KIAA1549L: variants seen among roughly 807,000 people sequenced by gnomAD.
The protein encoded by KIAA1549L is UPF0606 protein KIAA1549L.
In KIAA1549L, 88 loss-of-function variants were observed where a neutral mutation model predicts 160.7. That is an observed-to-expected ratio of 0.55 (90% CI 0.46 to 0.65). The LOEUF (loss-of-function observed/expected upper bound fraction) is 0.65, where lower values mean the gene tolerates loss of function less well. Ranked by LOEUF, KIAA1549L falls within the 30% of genes least tolerant of loss-of-function variation. The probability of loss-of-function intolerance (pLI) is 0.00; values close to 1 mark genes in which losing one functional copy is unlikely to be tolerated. For missense variants in KIAA1549L, 2,258 were observed against 2,437.5 expected, an observed-to-expected ratio of 0.93 and a Z score of 1.55; for synonymous variants, 950 against 976.7, an observed-to-expected ratio of 0.97 and a Z score of 0.51.
chr11:33,407,731 T>G (rs534703064), intron 1 of KIAA1549L, among the ~76,000 whole-genome samples: 2 of 152,234 alleles, frequency 1.3e-5, no homozygotes, highest in African/African-American at 4.8e-5. Flanking sequence ...GGTTGGGGAA[T>G]CCTAAGGGTT....
chr11:33,464,354 T>G (rs1346359272), intron 1 of KIAA1549L, among the ~76,000 whole-genome samples: 2 of 152,192 alleles, frequency 1.3e-5, no homozygotes, highest in Non-Finnish European at 2.9e-5. Context: ...CTACCTACAC[T>G]GAGCCCCTAA....
intron 1 of KIAA1549L, among the ~76,000 whole-genome samples, chr11:33,466,413 A>G (rs1245076938): frequency 1.3e-5 from 2 of 152,250 alleles, no homozygotes; most frequent in Admixed American, 1.3e-4. Flanking sequence ...CAAAACCACA[A>G]TGAGATACCG....
intron 16 of KIAA1549L, among the ~76,000 whole-genome samples, chr11:33,630,441 G>A (rs1395383545): frequency 6.6e-6 from 1 of 152,268 alleles, no homozygotes; most frequent in Non-Finnish European, 1.5e-5. Context: ...GACTCCGTGG[G>A]CGTAGGCCCC....
At position 33,614,547 on chromosome 11, in the gene KIAA1549L, TATATATATATATATA is replaced by T. The variant is rs1850735155; in HGVS notation, c.5280-3985_5280-3971del. On this transcript the variant is annotated intron_variant, in intron 15 of 20. Transcript: ENST00000658780. The stretch of plus-strand genomic sequence containing the variant: ...GTGTAACAAGATATATATATATATA[TATATATATATATATA>T]TATATATATATATATATATATATTT... Among the ~76,000 whole-genome samples the T allele has an allele frequency of 1.7e-4, 2 of 11,776 alleles. 1 individual carries two copies. Among genetic ancestry groups the T allele is most frequent in the African/African-American group, 6.2e-4 (2 of 3,222 alleles). 7.7% of individuals were successfully genotyped at this position (11,776 alleles called of 152,430 possible). A position where few individuals can be genotyped will look rare whatever the true frequency, so the allele number is the denominator to read the frequency against.
chr11:33,590,310 C>T (rs557493044), intron 11 of KIAA1549L, among the ~76,000 whole-genome samples: 3 of 152,150 alleles, frequency 2.0e-5, no homozygotes, highest in Admixed American at 6.5e-5. Context: ...TAATGAATGA[C>T]GGAGTCGGGA....
At chr11:33,643,330 A>G (rs988357340) in intron 16 of KIAA1549L, among the ~76,000 whole-genome samples, 24 of 151,994 alleles carry the variant, frequency 1.6e-4, no homozygotes, top group Non-Finnish European at 4.4e-5. Flanking sequence ...CGGAGAACTC[A>G]CCCACCCCCA....
At chr11:33,417,765 G>A (rs1590230681) in intron 1 of KIAA1549L, among the ~76,000 whole-genome samples, 3 of 151,230 alleles carry the variant, frequency 2.0e-5, no homozygotes, top group Non-Finnish European at 4.4e-5. Flanking sequence ...CCTTCCTTCT[G>A]TCCTTCTGTC....
chr11:33,613,864 A>G (rs939021480), intron 15 of KIAA1549L, among the ~76,000 whole-genome samples: 4 of 152,320 alleles, frequency 2.6e-5, no homozygotes, highest in Admixed American at 2.0e-4. Context: ...AAAAATCAGA[A>G]CACTTCATTT....
chr11:33,606,574 A>G, intron 13 of KIAA1549L, 67 bp from the exon 14 acceptor site: 10 of 1,514,896 alleles, frequency 6.6e-6, no homozygotes, highest in African/African-American at 1.4e-5. Context: ...TGAGTCTAAC[A>G]TAAATTCTCC....
At chr11:33,643,290 G>A (rs188208280) in intron 16 of KIAA1549L, among the ~76,000 whole-genome samples, 1 of 152,040 alleles carries the variant, frequency 6.6e-6, no homozygotes, top group African/African-American at 2.4e-5. Flanking sequence ...TATATGTGTG[G>A]TGGCCTAGCA....
chr11:33,485,108 G>T lies in KIAA1549L; in HGVS notation c.239-56694G>T, dbSNP rs568228961. On this transcript the variant is annotated intron_variant, in intron 1 of 20. Transcript: ENST00000658780. ...ACCTTCAACCTTAGGACACAAGTTG[G>T]GGGGCTTATTTTGCTGCTGGGGCCT... Among the ~76,000 whole-genome samples the T allele has an allele frequency of 3.9e-5, 6 of 152,210 alleles. No individual in the cohort carries two copies. The South Asian group carries it at 8.3e-4, about 21-fold the overall frequency.
At chr11:33,465,599 A>G (rs1852040659) in intron 1 of KIAA1549L, among the ~76,000 whole-genome samples, 1 of 152,196 alleles carries the variant, frequency 6.6e-6, no homozygotes, top group Non-Finnish European at 1.5e-5. Context: ...CAATATGAAG[A>G]AAATAGGAAC....
chr11:33,638,422 T>TAAAAAAAA (rs371077129), intron 16 of KIAA1549L, among the ~76,000 whole-genome samples: 2 of 43,602 alleles, frequency 4.6e-5, no homozygotes, highest in Admixed American at 2.0e-4. Context: ...CTAAAATAAA[T>TAAAAAAAA]AAAAAAAAAA....
At chr11:33,529,076 C>G (rs1364260338) in intron 1 of KIAA1549L, among the ~76,000 whole-genome samples, 1 of 152,156 alleles carries the variant, frequency 6.6e-6, no homozygotes, top group Non-Finnish European at 1.5e-5. Flanking sequence ...TGGCTTATGC[C>G]TGTAATCTCA....
intron 1 of KIAA1549L, among the ~76,000 whole-genome samples, chr11:33,437,236 A>G (rs1851399888): frequency 6.6e-6 from 1 of 152,194 alleles, no homozygotes; most frequent in Admixed American, 6.5e-5. Flanking sequence ...TTTAAAATGA[A>G]TTAGCTTGAC....
At chr11:33,621,845 G>A (rs1490263337) in intron 16 of KIAA1549L, among the ~76,000 whole-genome samples, 1 of 152,194 alleles carries the variant, frequency 6.6e-6, no homozygotes, top group South Asian at 2.1e-4. Context: ...TCTGTTTTTG[G>A]AGTTTAAAAA....
rs531017883 is a variant in KIAA1549L at position 33,668,292 on chromosome 11, G to A, written c.*138G>A. The stretch of plus-strand genomic sequence containing the variant: ...CTCCATTTCTGAAAAGGTGAACTAT[G>A]GGGCTTCTGGGAACAGGAAACTCTT... On this transcript the variant is annotated 3_prime_UTR_variant, in exon 21 of 21. Transcript: ENST00000658780. 10 of 783,512 alleles carry A rather than the reference G, an allele frequency of 1.3e-5. No individual in the cohort carries two copies. Among genetic ancestry groups the A allele is most frequent in the South Asian group, 5.6e-5 (3 of 53,734 alleles). 48.5% of individuals were successfully genotyped at this position (783,512 alleles called of 1,614,324 possible). A position where few individuals can be genotyped will look rare whatever the true frequency, so the allele number is the denominator to read the frequency against.
intron 1 of KIAA1549L, among the ~76,000 whole-genome samples, chr11:33,425,407 G>A (rs1019748551): frequency 6.6e-6 from 1 of 152,132 alleles, no homozygotes; most frequent in Non-Finnish European, 1.5e-5. Context: ...ATGTATCAAG[G>A]GATCTTCATG....
In KIAA1549L at chr11:33,431,247, G is replaced by A. The variant is rs574295427; in HGVS notation, c.238+54358G>A. On this transcript the variant is annotated intron_variant, in intron 1 of 20. Transcript: ENST00000658780. ...AGTAGCAAGATTTATTGCAAAGAGC[G>A]AAAGAGCAAAGCTTCCACAGTGTGG... 1.2e-4 allele frequency among the ~76,000 whole-genome samples: 18 copies of A among 152,256 alleles called. No homozygotes were observed. In the South Asian group the frequency reaches 2.3e-3, roughly 19 times the overall value.
Sources: gnomAD v4.1 joint callset for allele counts (sites outside exome capture counted in the v4.1 genomes callset) on GRCh38, gnomAD v4.1.1 for gene constraint, MANE v1.5 for transcripts, NCBI Gene and HGNC (gene_info 2026-07-23, HGNC 2026-07-21) for gene names.